COTL1: variants seen among roughly 807,000 people sequenced by gnomAD.
The protein encoded by COTL1 is coactosin like F-actin binding protein 1, also known as coactosin-like protein.
A neutral mutation model predicts 16.5 loss-of-function variants in COTL1; 15 were observed. That is an observed-to-expected ratio of 0.91 (90% confidence interval 0.61 to 1.40). The LOEUF (loss-of-function observed/expected upper bound fraction) is 1.40, where lower values mean the gene tolerates loss of function less well. Ranked by LOEUF, COTL1 falls within the 40% of genes most tolerant of loss-of-function variation. The pLI, the probability that COTL1 is intolerant of heterozygous loss-of-function variation, is 0.00. For synonymous variants in COTL1, 112 were observed against 85.3 expected (o/e 1.31, Z -1.73); for missense variants, 220 against 201.5 (o/e 1.09, Z -0.56).
intron 2 of COTL1, chr16:84,594,565 C>A (rs1349984047): frequency 2.0e-5 from 3 of 152,236 alleles, no homozygotes; most frequent in Admixed American, 2.0e-4. Flanking sequence ...GCAGCCTTGA[C>A]CTGAGGGGGA....
chr16:84,570,144 C>A (rs1904318112), intron 3 of COTL1, among the ~76,000 whole-genome samples: 1 of 152,092 alleles, frequency 6.6e-6, no homozygotes, highest in South Asian at 2.1e-4. Context: ...GGTGTAGTGG[C>A]GCGAGCCTGT....
At chr16:84,608,509 G>A (rs1032385716) in intron 2 of COTL1, among the ~76,000 whole-genome samples, 2 of 152,236 alleles carry the variant, frequency 1.3e-5, no homozygotes, top group Admixed American at 1.3e-4. Flanking sequence ...GTGGCTCAGG[G>A]CCTCCCAGCA....
At chr16:84,600,849 C>T (rs749366791) in intron 2 of COTL1, among the ~76,000 whole-genome samples, 11 of 152,276 alleles carry the variant, frequency 7.2e-5, no homozygotes, top group South Asian at 2.1e-4. Flanking sequence ...ATGATTACTT[C>T]GGCAGAACCT....
chr16:84,613,893 G>C (rs1182324667), intron 2 of COTL1, among the ~76,000 whole-genome samples: 1 of 151,994 alleles, frequency 6.6e-6, no homozygotes, highest in African/African-American at 2.4e-5. Context: ...TCCATGATTG[G>C]TCTAGGGATG....
intron 3 of COTL1, among the ~76,000 whole-genome samples, chr16:84,582,475 G>A (rs1352682801): frequency 6.6e-6 from 1 of 152,186 alleles, no homozygotes; most frequent in East Asian, 1.9e-4. Flanking sequence ...CTTGTTATGT[G>A]CTAGCACACA....
At chr16:84,617,683 G>A in intron 1 of COTL1, 100 bp from the exon 2 acceptor site, 1 of 1,405,956 alleles carries the variant, frequency 7.1e-7, no homozygotes. Flanking sequence ...CGCTGGCCAC[G>A]GAGAAGCCCG....
At chr16:84,617,455 A>AT in intron 2 of COTL1, 46 bp downstream of exon 2, 1 of 1,527,994 alleles carries the variant, frequency 6.5e-7, no homozygotes, top group Admixed American at 2.0e-5. Flanking sequence ...GGGTGCAGAC[A>AT]ACCTCCCAAC....
At chr16:84,612,329 A>T (rs770566788) in intron 2 of COTL1, among the ~76,000 whole-genome samples, 2 of 152,152 alleles carry the variant, frequency 1.3e-5, no homozygotes, top group Non-Finnish European at 2.9e-5. Flanking sequence ...ATGCTCCTTC[A>T]TGCAGACCCG....
chr16:84,573,154 A>T (rs1273025586), intron 3 of COTL1, among the ~76,000 whole-genome samples: 1 of 152,232 alleles, frequency 6.6e-6, no homozygotes, highest in African/African-American at 2.4e-5. Flanking sequence ...TATGCAAAAT[A>T]TTGTCATTTC....
chr16:84,571,557 C>G (rs1008153243), intron 3 of COTL1, among the ~76,000 whole-genome samples: 1 of 152,198 alleles, frequency 6.6e-6, no homozygotes, highest in Non-Finnish European at 1.5e-5. Flanking sequence ...GTCTCCTCCT[C>G]GTGCTGCTCC....
chr16:84,600,518 G>C (rs1310103440), intron 2 of COTL1, among the ~76,000 whole-genome samples: 3 of 152,122 alleles, frequency 2.0e-5, no homozygotes, highest in African/African-American at 7.2e-5. Context: ...TCACCGTGTT[G>C]GCCAGGCTGA....
chr16:84,587,773 T>C (rs1462440069), intron 3 of COTL1, among the ~76,000 whole-genome samples: 2 of 151,036 alleles, frequency 1.3e-5, no homozygotes, highest in Admixed American at 6.6e-5. Context: ...GTCCTATCAT[T>C]ATTTATTTAT....
chr16:84,609,190 G>A (rs528974679), intron 2 of COTL1, among the ~76,000 whole-genome samples: 13 of 152,294 alleles, frequency 8.5e-5, no homozygotes, highest in South Asian at 4.1e-4. Context: ...TAGACTGCCG[G>A]CTCTCTGTGT....
intron 2 of COTL1, among the ~76,000 whole-genome samples, chr16:84,604,947 C>T (rs1040378037): frequency 2.6e-5 from 4 of 152,246 alleles, no homozygotes; most frequent in African/African-American, 7.2e-5. Flanking sequence ...CCTCCAAAGG[C>T]GAGCCCTGCA....
At chr16:84,614,793 C>T (rs1017963446) in intron 2 of COTL1, among the ~76,000 whole-genome samples, 3 of 152,142 alleles carry the variant, frequency 2.0e-5, no homozygotes, top group South Asian at 2.1e-4. Flanking sequence ...CTCTGAGTCA[C>T]AAGTGGGCAA....
chr16:84,570,179 G>C (rs954373727), intron 3 of COTL1, among the ~76,000 whole-genome samples: 5 of 152,222 alleles, frequency 3.3e-5, no homozygotes, highest in African/African-American at 1.2e-4. Context: ...AGGAGGCTAA[G>C]GCAGGAGAAT....
intron 2 of COTL1, among the ~76,000 whole-genome samples, chr16:84,597,542 G>A (rs1905030916): frequency 6.6e-6 from 1 of 152,192 alleles, no homozygotes; most frequent in South Asian, 2.1e-4. Context: ...TCCAGACGCT[G>A]GGAGTGGAGC....
At position 84,590,201 on chromosome 16, in the gene COTL1, G is replaced by T. The variant is rs1386584484; in HGVS notation, c.222C>A (p.Ser74=). 6.2e-7 allele frequency: 1 copy of T among 1,614,080 alleles called. No homozygotes were observed. Among genetic ancestry groups the T allele is most frequent in the African/African-American group, 1.3e-5 (1 of 74,924 alleles). The change falls in exon 3 of 4, where the codon TCC becomes TCA. Residue 74 remains serine (S), a synonymous_variant. Transcript: ENST00000262428. The surrounding 1 kb of genome is among the most constrained non-coding windows in gnomAD (Gnocchi z 5.5). ...CGATCCACGTGATGAGGGCAAACTT[G>T]GACCTCTTGCTCATGGCATCCCCGG... ...FTTGDAMSKR[S]KFALITWIGE...
chr16:84,613,895 C>T (rs1238137283), intron 2 of COTL1, among the ~76,000 whole-genome samples: 1 of 151,782 alleles, frequency 6.6e-6, no homozygotes, highest in Non-Finnish European at 1.5e-5. Context: ...CATGATTGGT[C>T]TAGGGATGGG....
Sources: gnomAD v4.1 joint callset for allele counts (sites outside exome capture counted in the v4.1 genomes callset) on GRCh38, gnomAD v4.1.1 for gene constraint, Gnocchi (gnomAD v3.1) non-coding constraint, MANE v1.5 for transcripts, NCBI Gene and HGNC (gene_info 2026-07-23, HGNC 2026-07-21) for gene names.